The following SCEL variants were observed in gnomAD, a reference collection of about 807,000 sequenced individuals.
The protein encoded by SCEL is sciellin.
A neutral mutation model predicts 117.6 loss-of-function variants in SCEL; 113 were observed. That is an observed-to-expected ratio of 0.96 (90% CI 0.83 to 1.12). The LOEUF is 1.12. SCEL is among the 50% of genes most tolerant of loss of function. The probability of loss-of-function intolerance (pLI) is 0.00; values close to 1 mark genes in which losing one functional copy is unlikely to be tolerated. For missense variants in SCEL, 785 were observed against 810.8 expected, an observed-to-expected ratio of 0.97 and a Z score of 0.39; for synonymous variants, 270 against 256.2, an observed-to-expected ratio of 1.05 and a Z score of -0.51.
At chr13:77,570,845 C>CTTTTCTTTTTCTT (rs1221554005) in intron 8 of SCEL, among the ~76,000 whole-genome samples, 1 of 151,894 alleles carries the variant, frequency 6.6e-6, no homozygotes, top group Non-Finnish European at 1.5e-5. Flanking sequence ...CTATCAGTTT[C>CTTTTCTTTTTCTT]TTTTCTTTTT....
intron 9 of SCEL, 110 bp from the exon 10 acceptor site, chr13:77,589,034 T>G: frequency 1.3e-6 from 1 of 761,860 alleles, no homozygotes; most frequent in South Asian, 1.8e-5. Flanking sequence ...ACATGGGGGT[T>G]GTAAGATGCA....
Position 77,629,936 on chromosome 13 carries a change from T to A in SCEL, c.1691+1927T>A, listed in dbSNP as rs185382954. 7.5e-4 allele frequency among the ~76,000 whole-genome samples: 115 copies of A among 152,338 alleles called. 1 individual carries two copies. The highest frequency in any genetic ancestry group is 2.5e-3 in the African/African-American group (104 of 41,582). On this transcript the variant is annotated intron_variant, in intron 28 of 32. Transcript: ENST00000349847. ...GCAGAATTCTTCTGGATTGGGGGTC[T>A]TATGACCTACAGTCAAGCAAGGGAT...
Position 77,634,228 on chromosome 13 carries a change from G to A in SCEL, c.1692-151G>A, listed in dbSNP as rs959341971. On this transcript the variant is annotated intron_variant, in intron 28 of 32. Transcript: ENST00000349847. ...AAGACAAAAAAATTTTTGCAGTGCT[G>A]TGTTAATACCACTCTAACATTCATG... 5 of 677,692 alleles carry A rather than the reference G, an allele frequency of 7.4e-6. No individual in the cohort carries two copies. The African/African-American group carries it at 9.0e-5, about 12-fold the overall frequency. The allele number at this position is 677,692 out of a possible 1,614,324, so 42.0% of individuals were successfully genotyped here. A position where few individuals can be genotyped will look rare whatever the true frequency, so the allele number is the denominator to read the frequency against.
intron 17 of SCEL, 116 bp from the exon 18 acceptor site, chr13:77,602,960 A>G: frequency 1.5e-6 from 1 of 655,976 alleles, no homozygotes; most frequent in Non-Finnish European, 2.5e-6. Context: ...AGCCAATTTA[A>G]TGTCAGTATA....
intron 23 of SCEL, 111 bp from the exon 24 acceptor site, chr13:77,613,782 C>A: frequency 1.2e-6 from 1 of 829,244 alleles, no homozygotes; most frequent in Non-Finnish European, 2.0e-6. Context: ...ATTGGAAACT[C>A]AGTAAACTTA....
At chr13:77,556,460 T>C in intron 2 of SCEL, 136 bp from the exon 3 acceptor site, 1 of 697,424 alleles carries the variant, frequency 1.4e-6, no homozygotes, top group Non-Finnish European at 2.5e-6. Flanking sequence ...TGCATCCTAC[T>C]TTGAAACAGT....
At chr13:77,555,564 C>A (rs189386882) in intron 1 of SCEL, among the ~76,000 whole-genome samples, 7 of 152,262 alleles carry the variant, frequency 4.6e-5, no homozygotes, top group Admixed American at 1.3e-4. Context: ...GCATTCCATG[C>A]GTAATTATTG....
chr13:77,642,745 G>C lies in SCEL; in HGVS notation c.1987G>C (p.Gly663Arg), dbSNP rs778902292. The stretch of plus-strand genomic sequence containing the variant: ...GCAGCCTTTGGAAAATCTACAAGCG[G>C]GTGATAGTATTTGGATTTATAGACA... ...CKQPLENLQAGDSIWIYRQTI... is the reference protein window; with the variant it reads ...CKQPLENLQARDSIWIYRQTI... Residue 663 changes from glycine to arginine, a missense_variant, in exon 32 of 33, where the codon GGT becomes CGT. By Grantham distance (125) the Gly-to-Arg change is moderately radical. Coordinates refer to ENST00000349847, the MANE Select transcript of SCEL (RefSeq NM_144777.3). 2 of 1,604,958 alleles carry C rather than the reference G, an allele frequency of 1.2e-6. No individual in the cohort carries two copies. The highest frequency in any genetic ancestry group is 2.7e-5 in the African/African-American group (2 of 74,562).
At chr13:77,602,945 C>A in intron 17 of SCEL, 131 bp from the exon 18 acceptor site, 1 of 654,906 alleles carries the variant, frequency 1.5e-6, no homozygotes, top group Non-Finnish European at 2.5e-6. Context: ...AATTTTTATA[C>A]TTAAAGCCAA....
intron 3 of SCEL, among the ~76,000 whole-genome samples, chr13:77,559,087 G>A (rs1593925140): frequency 6.6e-6 from 1 of 152,180 alleles, no homozygotes; most frequent in African/African-American, 2.4e-5. Flanking sequence ...AGTAGGAAAA[G>A]CAATGATTTG....
intron 19 of SCEL, among the ~76,000 whole-genome samples, chr13:77,604,983 G>A (rs914122178): frequency 1.3e-5 from 2 of 152,058 alleles, no homozygotes; most frequent in Non-Finnish European, 2.9e-5. Flanking sequence ...TGTGCATGTA[G>A]TGTGGTGTGT....
At chr13:77,590,612 A>G (rs2154400059) in intron 10 of SCEL, among the ~76,000 whole-genome samples, 1 of 152,228 alleles carries the variant, frequency 6.6e-6, no homozygotes, top group East Asian at 1.9e-4. Flanking sequence ...TAAATTTCAC[A>G]GGAACTTACT....
At chr13:77,608,875 T>C (rs954052112) in intron 20 of SCEL, among the ~76,000 whole-genome samples, 183 bp from the exon 21 acceptor site, 4 of 152,190 alleles carry the variant, frequency 2.6e-5, no homozygotes, top group Non-Finnish European at 5.9e-5. Context: ...TACGTCAGTG[T>C]ACCAGTGATT....
At chr13:77,627,475 T>C (rs1444451210) in intron 27 of SCEL, among the ~76,000 whole-genome samples, 1 of 152,298 alleles carries the variant, frequency 6.6e-6, no homozygotes, top group East Asian at 1.9e-4. Flanking sequence ...AATTATTGAT[T>C]GTACATTTCC....
rs769294817 is a variant in SCEL, at chr13:77,634,445, G to T, written c.1758G>T (p.Glu586Asp). 1.9e-6 allele frequency: 3 copies of T among 1,608,784 alleles called. No homozygotes were observed. In the African/African-American group the frequency reaches 4.0e-5, roughly 22 times the overall value. The change falls in exon 29 of 33, where the codon GAG becomes GAT. Residue 586 changes from glutamate to aspartate, a missense_variant. Physicochemically the swap from Glu to Asp is conservative, Grantham distance 45. Coordinates refer to ENST00000349847, the MANE Select transcript of SCEL (RefSeq NM_144777.3). ...DTVVYTRTYV[E>D]NSKSPKDGYQ... ...TTGTGTACACAAGGACATATGTGGA[G>T]AATAGGTATTCAAAATTTATTTCAA...
At chr13:77,615,263 G>C (rs1050131178) in intron 24 of SCEL, among the ~76,000 whole-genome samples, 3 of 151,982 alleles carry the variant, frequency 2.0e-5, no homozygotes, top group Non-Finnish European at 4.4e-5. Context: ...ACTGAGACCA[G>C]GGGCAAAAAT....
intron 29 of SCEL, among the ~76,000 whole-genome samples, chr13:77,636,675 A>G (rs780097926): frequency 1.1e-4 from 17 of 152,228 alleles, no homozygotes; most frequent in Non-Finnish European, 2.1e-4. Context: ...GGATATATTC[A>G]AGTAAAAATA....
intron 4 of SCEL, among the ~76,000 whole-genome samples, chr13:77,561,485 T>C (rs1186624682): frequency 6.6e-6 from 1 of 152,012 alleles, no homozygotes; most frequent in African/African-American, 2.4e-5. Context: ...CCTAAAAGAG[T>C]AGGGCAGATT....
At chr13:77,559,932 C>T (rs752731689) in intron 4 of SCEL, 69 bp downstream of exon 4, 2 of 1,311,798 alleles carry the variant, frequency 1.5e-6, no homozygotes, top group African/African-American at 1.4e-5. Flanking sequence ...AAGACTTGTT[C>T]AAGACAGCTG....
Sources: gnomAD v4.1 joint callset for allele counts (sites outside exome capture counted in the v4.1 genomes callset) on GRCh38, gnomAD v4.1.1 for gene constraint, MANE v1.5 for transcripts, NCBI Gene and HGNC (gene_info 2026-07-23, HGNC 2026-07-21) for gene names.